Variants in SERTAD2 observed in about 807,000 individuals in gnomAD.
SERTAD2 encodes SERTA domain-containing protein 2.
A neutral mutation model predicts 15.4 loss-of-function variants in SERTAD2; 2 were observed. The ratio of observed to expected loss-of-function variants is 0.13; its 90% CI spans 0.05 to 0.41. SERTAD2 has a LOEUF of 0.41. Among genes scored for constraint, SERTAD2 ranks in the 10% least tolerant of loss-of-function variants. The pLI is 0.99. For missense variants in SERTAD2, 333 were observed against 409.7 expected, an observed-to-expected ratio of 0.81 and a Z score of 1.62; for synonymous variants, 180 against 178.0, an observed-to-expected ratio of 1.01 and a Z score of -0.09.
intron 1 of SERTAD2, among the ~76,000 whole-genome samples, chr2:64,648,629 T>C (rs1466214975): frequency 1.3e-5 from 2 of 152,096 alleles, no homozygotes; most frequent in Non-Finnish European, 2.9e-5. Context: ...TTACCTTCAA[T>C]GGTCTTCATG....
At position 64,633,300 on chromosome 2, in the gene SERTAD2, G is replaced by C. The variant is rs1023063557; in HGVS notation, c.*2627C>G. The C allele has an allele frequency of 6.6e-6, 1 of 152,152 alleles. No individual in the cohort carries two copies. The highest frequency in any genetic ancestry group is 1.5e-5 in the Non-Finnish European group (1 of 68,018). The allele number at this position is 152,152 out of a possible 1,614,324, so 9.4% of individuals were successfully genotyped here. A position where few individuals can be genotyped will look rare whatever the true frequency, so the allele number is the denominator to read the frequency against. On this transcript the variant is annotated 3_prime_UTR_variant, in exon 2 of 2. Coordinates refer to ENST00000313349, the MANE Select transcript of SERTAD2 (RefSeq NM_014755.3). Reference sequence around the variant, plus strand: ...AAAAGCATTTGCCTGCTGTTTTTGGGGTTTTTGTTTTGATTTTGAAGCCCA... The same window carrying C: ...AAAAGCATTTGCCTGCTGTTTTTGGCGTTTTTGTTTTGATTTTGAAGCCCA...
At chr2:64,648,084 G>A (rs1674942537) in intron 1 of SERTAD2, among the ~76,000 whole-genome samples, 1 of 152,106 alleles carries the variant, frequency 6.6e-6, no homozygotes, top group Non-Finnish European at 1.5e-5. Flanking sequence ...GTATTGTACG[G>A]CCTAAACTTG....
At position 64,631,712 on chromosome 2, in the gene SERTAD2, A is replaced by G. The variant is rs1674538443; in HGVS notation, c.*4215T>C. On this transcript the variant is annotated 3_prime_UTR_variant, in exon 2 of 2. Coordinates refer to ENST00000313349, the MANE Select transcript of SERTAD2 (RefSeq NM_014755.3). ...TTTAATCTGTCCAATTGTTTAGATT[A>G]CAGCCCAAACCTACATGTGAATACA... The G allele has an allele frequency of 6.5e-6, 1 of 152,688 alleles. No individual in the cohort carries two copies. The highest frequency in any genetic ancestry group is 2.4e-5 in the African/African-American group (1 of 41,468). 9.5% of individuals were successfully genotyped at this position (152,688 alleles called of 1,614,324 possible). A position where few individuals can be genotyped will look rare whatever the true frequency, so the allele number is the denominator to read the frequency against.
intron 1 of SERTAD2, among the ~76,000 whole-genome samples, chr2:64,638,377 C>T (rs1426677608): frequency 2.6e-5 from 4 of 152,250 alleles, no homozygotes; most frequent in African/African-American, 9.6e-5. Flanking sequence ...AATAGCCCCT[C>T]CTACACCTGA....
Position 64,639,618 on chromosome 2 carries a change from T to C in SERTAD2, c.-4-2743A>G, listed in dbSNP as rs185944376. Among the ~76,000 whole-genome samples, 6 of 152,286 alleles carry C rather than the reference T, an allele frequency of 3.9e-5. No homozygotes were observed. In the East Asian group the frequency reaches 7.7e-4, roughly 20 times the overall value. ...CTTCTTACAGTCATCAATGCAGAATTGTCTTTTTAAAGACTTGTTACTAGA... is the reference window on the plus strand; with the variant it reads ...CTTCTTACAGTCATCAATGCAGAATCGTCTTTTTAAAGACTTGTTACTAGA... On this transcript the variant is annotated intron_variant, in intron 1 of 1. Coordinates refer to ENST00000313349, the MANE Select transcript of SERTAD2 (RefSeq NM_014755.3).
In SERTAD2 at chr2:64,631,836, C is replaced by G. The variant is rs1283576877; in HGVS notation, c.*4091G>C. The G allele has an allele frequency of 6.6e-6, 1 of 152,540 alleles. No individual in the cohort carries two copies. The highest frequency in any genetic ancestry group is 1.5e-5 in the Non-Finnish European group (1 of 68,012). 9.4% of individuals were successfully genotyped at this position (152,540 alleles called of 1,614,324 possible). A position where few individuals can be genotyped will look rare whatever the true frequency, so the allele number is the denominator to read the frequency against. Reference sequence around the variant, plus strand: ...GTTATACCTCCTTTTTGACAAAAGCCCTCCTCAAAAACCATGCACCAAACA... The same window carrying G: ...GTTATACCTCCTTTTTGACAAAAGCGCTCCTCAAAAACCATGCACCAAACA... On this transcript the variant is annotated 3_prime_UTR_variant, in exon 2 of 2. Coordinates refer to ENST00000313349, the MANE Select transcript of SERTAD2 (RefSeq NM_014755.3).
intron 1 of SERTAD2, chr2:64,644,555 G>A (rs1371808777): frequency 6.6e-6 from 1 of 152,268 alleles, no homozygotes; most frequent in Non-Finnish European, 1.5e-5. Flanking sequence ...ACTGGGGGAA[G>A]CTGTTTGCTT....
chr2:64,650,385 CTATT>C (rs754368519), intron 1 of SERTAD2, among the ~76,000 whole-genome samples: 8 of 151,720 alleles, frequency 5.3e-5, no homozygotes, highest in Non-Finnish European at 8.8e-5. Context: ...AACAAGGAGT[CTATT>C]TATTACTCAG....
At chr2:64,652,189 C>T (rs1675026210) in intron 1 of SERTAD2, among the ~76,000 whole-genome samples, 1 of 152,202 alleles carries the variant, frequency 6.6e-6, no homozygotes, top group South Asian at 2.1e-4. Flanking sequence ...TTCTTGTTCA[C>T]TCCAGAAGTT....
In SERTAD2 at chr2:64,632,367, T is replaced by C. The variant is rs563015094; in HGVS notation, c.*3560A>G. ...TAAAAACGATCTGTAAGTTGATACT[T>C]TGGCTCTTTGGAGCTTATTTCATTA... On this transcript the variant is annotated 3_prime_UTR_variant, in exon 2 of 2. Transcript: ENST00000313349. The C allele has an allele frequency of 1.5e-4, 23 of 152,722 alleles. No homozygotes were observed. Among genetic ancestry groups the C allele is most frequent in the Admixed American group, 1.2e-3 (19 of 15,306 alleles). The allele number at this position is 152,722 out of a possible 1,614,324, so 9.5% of individuals were successfully genotyped here. A position where few individuals can be genotyped will look rare whatever the true frequency, so the allele number is the denominator to read the frequency against.
rs563397259 is a variant in SERTAD2, at chr2:64,650,904, C to CA, written c.-5+2715dup. Among the ~76,000 whole-genome samples, 213 of 152,302 alleles carry CA rather than the reference C, an allele frequency of 1.4e-3. 1 individual carries two copies. Among genetic ancestry groups the CA allele is most frequent in the African/African-American group, 4.6e-3 (193 of 41,560 alleles). ...ACTGGAGCTTGCCTTCTGGTGCCTT[C>CA]AGTACACAACTGATCTTTGGACTCA... On this transcript the variant is annotated intron_variant, in intron 1 of 1. Transcript: ENST00000313349.
At chr2:64,637,593 A>G (rs1674687989) in intron 1 of SERTAD2, among the ~76,000 whole-genome samples, 2 of 152,218 alleles carry the variant, frequency 1.3e-5, no homozygotes, top group Non-Finnish European at 2.9e-5. Flanking sequence ...ATCCACACAC[A>G]GTTATGTTTG....
intron 1 of SERTAD2, among the ~76,000 whole-genome samples, chr2:64,642,496 C>T (rs114090983): frequency 0.015 from 2,315 of 151,056 alleles, 60 homozygotes; most frequent in African/African-American, 0.054. Flanking sequence ...AAAGCTACAT[C>T]TTTTTAAAAA....
intron 1 of SERTAD2, among the ~76,000 whole-genome samples, chr2:64,650,101 A>G (rs1674978111): frequency 6.6e-6 from 1 of 152,164 alleles, no homozygotes; most frequent in Non-Finnish European, 1.5e-5. Context: ...AGTTCAGATG[A>G]GGGACAGAGG....
At position 64,636,689 on chromosome 2, in the gene SERTAD2, C is replaced by T. The variant is rs1674668953; in HGVS notation, c.183G>A (p.Lys61=). 1 of 1,613,952 alleles carries T rather than the reference C, an allele frequency of 6.2e-7. No homozygotes were observed. Among genetic ancestry groups the T allele is most frequent in the African/African-American group, 1.3e-5 (1 of 74,888 alleles). ...TCAACATGTTGTTAATTAAAACGGT[C>T]TTTTGCAAGCTGGGCTCTGTCAGGG... ...HRPLTEPSLQ[K]TVLINNMLRR... Residue 61 remains lysine, a synonymous_variant, in exon 2 of 2, where the codon AAG becomes AAA. Coordinates refer to ENST00000313349, the MANE Select transcript of SERTAD2 (RefSeq NM_014755.3).
At chr2:64,642,856 C>T (rs1275304621) in intron 1 of SERTAD2, among the ~76,000 whole-genome samples, 2 of 152,230 alleles carry the variant, frequency 1.3e-5, no homozygotes, top group Non-Finnish European at 2.9e-5. Flanking sequence ...TAAAACTCTG[C>T]ATTATGTTTT....
intron 1 of SERTAD2, among the ~76,000 whole-genome samples, chr2:64,649,952 T>C (rs916720809): frequency 2.3e-4 from 35 of 152,208 alleles, no homozygotes; most frequent in African/African-American, 8.2e-4. Context: ...AGTGTAAGAA[T>C]AGGCCGGCCA....
At chr2:64,637,066 A>C (rs1674677802) in intron 1 of SERTAD2, among the ~76,000 whole-genome samples, 191 bp from the exon 2 acceptor site, 2 of 152,170 alleles carry the variant, frequency 1.3e-5, no homozygotes. Context: ...TAGAAAATCC[A>C]CCTTTGTATG....
chr2:64,648,719 A>G (rs1280627728), intron 1 of SERTAD2, among the ~76,000 whole-genome samples: 1 of 152,126 alleles, frequency 6.6e-6, no homozygotes, highest in Admixed American at 6.5e-5. Context: ...GGAGCTTTAG[A>G]AGGAGGCAGG....
Sources: gnomAD v4.1 joint callset for allele counts (sites outside exome capture counted in the v4.1 genomes callset) on GRCh38, gnomAD v4.1.1 for gene constraint, MANE v1.5 for transcripts, NCBI Gene and HGNC (gene_info 2026-07-23, HGNC 2026-07-21) for gene names.